The following PPP2R1B variants were observed in gnomAD, a reference collection of about 807,000 sequenced individuals.
PPP2R1B encodes protein phosphatase 2 scaffold subunit Abeta, also known as serine/threonine-protein phosphatase 2A 65 kDa regulatory subunit A beta isoform.
PPP2R1B carries 58 observed loss-of-function variants against 72.7 expected under a neutral mutation model. The ratio of observed to expected loss-of-function variants is 0.80; its 90% CI spans 0.65 to 0.99. PPP2R1B has a LOEUF of 0.99. Ranked by LOEUF, PPP2R1B falls within the 50% of genes least tolerant of loss-of-function variation. The pLI is 0.00. For synonymous variants in PPP2R1B, 256 were observed against 264.6 expected (o/e 0.97, Z 0.32); for missense variants, 695 against 733.6 (o/e 0.95, Z 0.61).
downstream of PPP2R1B, chr11:111,724,278 G>A (rs1364085813): frequency 8.5e-7 from 1 of 1,172,636 alleles, no homozygotes; most frequent in Non-Finnish European, 1.2e-6. Flanking sequence ...GGGTCTGGCT[G>A]GGGTGGATGT....
At chr11:111,699,066 G>A in the PPP2R1B span, among the ~76,000 whole-genome samples, 148 of 152,124 alleles carry the variant, frequency 9.7e-4, no homozygotes, top group Non-Finnish European at 1.9e-3. Flanking sequence ...TGATGTTCTA[G>A]GAGTGGTTAG....
chr11:111,760,458 C>T (rs1273183519), intron 4 of PPP2R1B, among the ~76,000 whole-genome samples: 2 of 152,078 alleles, frequency 1.3e-5, no homozygotes, highest in Non-Finnish European at 2.9e-5. Flanking sequence ...GCTGGGATTA[C>T]AAGCATGAGC....
chr11:111,719,887 G>A, the PPP2R1B span: 9 of 1,614,180 alleles, frequency 5.6e-6, no homozygotes, highest in Non-Finnish European at 7.6e-6. Flanking sequence ...GAGACAGAAG[G>A]AGAGGCCGAG....
At chr11:111,744,463 T>G (rs541140620) in intron 11 of PPP2R1B, among the ~76,000 whole-genome samples, 1 of 152,224 alleles carries the variant, frequency 6.6e-6, no homozygotes, top group Admixed American at 6.5e-5. Flanking sequence ...CCTTTGATCA[T>G]TTATCAAAGA....
At chr11:111,766,208 C>T in intron 1 of PPP2R1B, 40 bp downstream of exon 1, 3 of 1,603,662 alleles carry the variant, frequency 1.9e-6, no homozygotes, top group South Asian at 1.1e-5. Flanking sequence ...ACCACGCGAC[C>T]AGCCGGTCTC....
At chr11:111,749,872 T>C (rs1944839268) in intron 10 of PPP2R1B, among the ~76,000 whole-genome samples, 1 of 152,174 alleles carries the variant, frequency 6.6e-6, no homozygotes, top group Non-Finnish European at 1.5e-5. Flanking sequence ...CCTGGGAAAC[T>C]TTCCAGGTCT....
the PPP2R1B span, among the ~76,000 whole-genome samples, chr11:111,696,618 T>G: frequency 1.3e-5 from 2 of 152,218 alleles, no homozygotes; most frequent in African/African-American, 4.8e-5. Context: ...CTAGCAGGGC[T>G]AGGCTGGATC....
the PPP2R1B span, among the ~76,000 whole-genome samples, chr11:111,697,107 C>T: frequency 6.6e-6 from 1 of 152,178 alleles, no homozygotes; most frequent in East Asian, 1.9e-4. Context: ...ACAATGAAGG[C>T]TCGAAGTAGT....
the PPP2R1B span, chr11:111,703,535 T>TCAC: frequency 2.4e-6 from 2 of 840,952 alleles, no homozygotes; most frequent in Non-Finnish European, 3.8e-6. Context: ...CTAGGCGTAC[T>TCAC]GTTCAGTGTT....
At chr11:111,735,707 CCT>C (rs1214126760), downstream of PPP2R1B, among the ~76,000 whole-genome samples, 62 of 152,348 alleles carry the variant, frequency 4.1e-4, no homozygotes, top group South Asian at 1.7e-3. Flanking sequence ...CCAATGGCTC[CCT>C]GAGGGCCCTG....
downstream of PPP2R1B, among the ~76,000 whole-genome samples, chr11:111,722,439 A>C (rs1261901015): frequency 6.6e-6 from 1 of 152,198 alleles, no homozygotes; most frequent in African/African-American, 2.4e-5. The surrounding 1 kb of genome is among the most constrained non-coding windows in gnomAD (Gnocchi z 4.4). Context: ...GTCCTAGTGG[A>C]CTTTTGGAAA....
the PPP2R1B span, chr11:111,703,213 C>T: frequency 1.9e-6 from 3 of 1,613,940 alleles, no homozygotes; most frequent in African/African-American, 4.0e-5. Context: ...ATTGCGAGCA[C>T]CTTATCCGAA....
downstream of PPP2R1B, chr11:111,724,501 G>T (rs1399489767): frequency 4.3e-5 from 10 of 230,254 alleles, no homozygotes; most frequent in East Asian, 8.0e-4. Flanking sequence ...CAGAAAGGGT[G>T]TGTGCTATTG....
At chr11:111,732,960 G>C (rs185056865), downstream of PPP2R1B, among the ~76,000 whole-genome samples, 85 of 152,316 alleles carry the variant, frequency 5.6e-4, no homozygotes, top group Admixed American at 4.2e-3. Context: ...TTGAGCGATG[G>C]ATTATCGCAC....
chr11:111,707,673 C>G, the PPP2R1B span, among the ~76,000 whole-genome samples: 1 of 152,130 alleles, frequency 6.6e-6, no homozygotes, highest in Admixed American at 6.5e-5. Context: ...ATAAATGTGC[C>G]TAAAGTTTTA....
chr11:111,720,580 C>T, the PPP2R1B span: 6 of 1,614,016 alleles, frequency 3.7e-6, no homozygotes, highest in East Asian at 8.9e-5. Context: ...GAAGACAACC[C>T]TTCCCTTAAG....
intron 1 of PPP2R1B, chr11:111,765,704 T>C (rs1555052821): frequency 8.0e-6 from 4 of 499,766 alleles, no homozygotes; most frequent in Admixed American, 6.9e-5. Flanking sequence ...GGTGAAACGG[T>C]TGAATACAAC....
intron 12 of PPP2R1B, among the ~76,000 whole-genome samples, chr11:111,742,877 GTTCT>G (rs974462126): frequency 2.0e-5 from 3 of 150,886 alleles, no homozygotes; most frequent in African/African-American, 4.9e-5. Flanking sequence ...CTGTAGTTTT[GTTCT>G]TTGTTTTTTT....
At position 111,739,836 on chromosome 11, in the gene PPP2R1B, G is replaced by A; in HGVS notation, c.*1760C>T. ...ATATTAAAATGAGAATATAGAAAAA[G>A]ATTTGTGCTTAGGAAAATACTTAAT... On this transcript the variant is annotated 3_prime_UTR_variant, in exon 15 of 15. Transcript: ENST00000527614. The A allele has an allele frequency of 1.0e-6, 1 of 973,832 alleles. No homozygotes were observed. Among genetic ancestry groups the A allele is most frequent in the Non-Finnish European group, 1.2e-6 (1 of 819,438 alleles). The allele number at this position is 973,832 out of a possible 1,614,324, so 60.3% of individuals were successfully genotyped here. A position where few individuals can be genotyped will look rare whatever the true frequency, so the allele number is the denominator to read the frequency against.
Sources: allele counts gnomAD v4.1 joint callset (sites outside exome capture counted in the v4.1 genomes callset), GRCh38; gene constraint gnomAD v4.1.1; non-coding constraint Gnocchi (gnomAD v3.1); transcripts MANE v1.5; gene names NCBI Gene and HGNC (gene_info 2026-07-23, HGNC 2026-07-21).